MACROD2: variants seen among roughly 807,000 people sequenced by gnomAD.
MACROD2 encodes mono-ADP ribosylhydrolase 2, also known as ADP-ribose glycohydrolase MACROD2.
In MACROD2, 36 loss-of-function variants were observed where a neutral mutation model predicts 70.4. That is an observed-to-expected ratio of 0.51 (90% CI 0.39 to 0.68). The LOEUF is 0.68. Ranked by LOEUF, MACROD2 falls within the 30% of genes least tolerant of loss-of-function variation. The pLI, the probability that MACROD2 is intolerant of heterozygous loss-of-function variation, is 0.00. For missense variants in MACROD2, 496 were observed against 538.4 expected, an observed-to-expected ratio of 0.92 and a Z score of 0.78; for synonymous variants, 172 against 178.8, an observed-to-expected ratio of 0.96 and a Z score of 0.30.
At chr20:14,454,266 G>T (rs958723017) in intron 3 of MACROD2, among the ~76,000 whole-genome samples, 2 of 150,702 alleles carry the variant, frequency 1.3e-5, no homozygotes, top group African/African-American at 4.9e-5. Context: ...GTTTCTCAGT[G>T]GTTTTCTTAT....
chr20:14,978,117 C>G (rs1257374818), intron 5 of MACROD2, among the ~76,000 whole-genome samples: 1 of 152,174 alleles, frequency 6.6e-6, no homozygotes, highest in South Asian at 2.1e-4. Context: ...ACCCGGTGGT[C>G]TTGACTTTTT....
intron 5 of MACROD2, among the ~76,000 whole-genome samples, chr20:14,878,595 C>T (rs1198096936): frequency 6.6e-6 from 1 of 152,120 alleles, no homozygotes; most frequent in African/African-American, 2.4e-5. Flanking sequence ...ATATCATTTG[C>T]TTAAATTAGT....
At chr20:14,371,239 C>T (rs1289788377) in intron 3 of MACROD2, among the ~76,000 whole-genome samples, 1 of 152,068 alleles carries the variant, frequency 6.6e-6, no homozygotes, top group African/African-American at 2.4e-5. Context: ...GATACCAGCT[C>T]TTTGGTAGGC....
Position 14,326,247 on chromosome 20 carries a change from A to G in MACROD2, c.272-167232A>G. The G allele has an allele frequency of 1.2e-6, 2 of 1,613,970 alleles. No homozygotes were observed. Among genetic ancestry groups the G allele is most frequent in the Non-Finnish European group, 1.7e-6 (2 of 1,179,870 alleles). ...GTTTCCAAGAGATATGAATGGTATCAGAGGTGACAGACTTCACAGTAATTG... is the reference window on the plus strand; with the variant it reads ...GTTTCCAAGAGATATGAATGGTATCGGAGGTGACAGACTTCACAGTAATTG... On this transcript the variant is annotated intron_variant, in intron 3 of 17. Transcript: ENST00000684519. This position sits in a 1 kb window ranked among gnomAD's most constrained non-coding sequence, Gnocchi z 5.5.
Position 15,959,553 on chromosome 20 carries a change from G to C in MACROD2, c.908-8000G>C, listed in dbSNP as rs1013632465. On this transcript the variant is annotated intron_variant, in intron 12 of 17. Coordinates refer to ENST00000684519, the MANE Select transcript of MACROD2 (RefSeq NM_001351661.2). ...TGTTTGTTTGTTTGTTTTTGAGACAGACTCGCACTGTGTCAACCCAGGCTG... is the reference window on the plus strand; with the variant it reads ...TGTTTGTTTGTTTGTTTTTGAGACACACTCGCACTGTGTCAACCCAGGCTG... 2.5e-4 allele frequency among the ~76,000 whole-genome samples: 38 copies of C among 152,270 alleles called. 1 individual carries two copies. The highest frequency in any genetic ancestry group is 8.7e-4 in the African/African-American group (36 of 41,558).
At chr20:14,553,465 A>G (rs938013984) in intron 4 of MACROD2, among the ~76,000 whole-genome samples, 6 of 150,814 alleles carry the variant, frequency 4.0e-5, no homozygotes, top group Non-Finnish European at 5.9e-5. Context: ...ACAGCAATCA[A>G]TAGTATGGTA....
intron 6 of MACROD2, among the ~76,000 whole-genome samples, chr20:15,415,199 G>T (rs2046130139): frequency 6.6e-6 from 1 of 152,192 alleles, no homozygotes; most frequent in Admixed American, 6.5e-5. Flanking sequence ...TACAGATTTT[G>T]CAGCTGGATG....
At chr20:14,857,452 A>G (rs922102883) in intron 5 of MACROD2, among the ~76,000 whole-genome samples, 17 of 152,166 alleles carry the variant, frequency 1.1e-4, no homozygotes, top group Admixed American at 1.0e-3. Flanking sequence ...AAAACACCCT[A>G]ACATTTGTGC....
At chr20:14,219,812 C>G (rs1192890675) in intron 3 of MACROD2, among the ~76,000 whole-genome samples, 1 of 152,134 alleles carries the variant, frequency 6.6e-6, no homozygotes, top group Admixed American at 6.5e-5. Flanking sequence ...GTCTGGCCAC[C>G]CAGAGAGTCT....
chr20:15,088,201 A>G (rs78018388), intron 5 of MACROD2, among the ~76,000 whole-genome samples: 11 of 151,752 alleles, frequency 7.2e-5, no homozygotes, highest in African/African-American at 2.4e-4. Context: ...GAGGATCAAA[A>G]TGCAAGAGTG....
intron 10 of MACROD2, chr20:15,893,159 T>C (rs549232803): frequency 2.2e-4 from 90 of 400,974 alleles, no homozygotes; most frequent in African/African-American, 1.8e-3. Flanking sequence ...TTCTAATATG[T>C]TTGAAGATGA....
chr20:14,092,727 ATGT>A (rs2054167659), intron 3 of MACROD2, among the ~76,000 whole-genome samples: 1 of 152,202 alleles, frequency 6.6e-6, no homozygotes, highest in Non-Finnish European at 1.5e-5. Flanking sequence ...GATCAGACAG[ATGT>A]TGTAAATAAT....
At chr20:15,333,459 A>G (rs6105393) in intron 6 of MACROD2, among the ~76,000 whole-genome samples, 34,158 of 151,330 alleles carry the variant, frequency 0.23, 5,125 homozygotes, top group East Asian at 0.46. Context: ...AGAAAGGGGA[A>G]GAGAATTGGA....
At chr20:13,996,499 C>T (rs2052658905) in intron 1 of MACROD2, 1 of 152,834 alleles carries the variant, frequency 6.5e-6, no homozygotes, top group African/African-American at 2.4e-5. Flanking sequence ...CATCCCCATT[C>T]ATGGGCTGAA....
chr20:14,519,128 G>C (rs148795136), intron 4 of MACROD2, among the ~76,000 whole-genome samples: 1 of 152,110 alleles, frequency 6.6e-6, no homozygotes, highest in Admixed American at 6.6e-5. Flanking sequence ...GAAAATTATA[G>C]CAATGTGAAG....
At chr20:15,349,073 T>C (rs1172298873) in intron 6 of MACROD2, among the ~76,000 whole-genome samples, 1 of 152,208 alleles carries the variant, frequency 6.6e-6, no homozygotes, top group Non-Finnish European at 1.5e-5. Flanking sequence ...CATTAGGCTC[T>C]GGAGAATTTT....
intron 5 of MACROD2, among the ~76,000 whole-genome samples, chr20:15,049,845 G>A (rs1215496258): frequency 6.6e-6 from 1 of 152,014 alleles, no homozygotes; most frequent in Non-Finnish European, 1.5e-5. Flanking sequence ...CTGCTCGGGA[G>A]GCAGAGGCAG....
chr20:14,422,816 T>C (rs926120526), intron 3 of MACROD2, among the ~76,000 whole-genome samples: 2 of 152,230 alleles, frequency 1.3e-5, no homozygotes, highest in African/African-American at 4.8e-5. Context: ...ATTGCAATAT[T>C]ACCTGCTTTG....
intron 4 of MACROD2, among the ~76,000 whole-genome samples, chr20:14,621,345 G>A (rs932720495): frequency 1.3e-5 from 2 of 152,072 alleles, no homozygotes; most frequent in Non-Finnish European, 2.9e-5. Context: ...TGCTGCTCAA[G>A]TGCCTTTTTT....
Sources: allele counts gnomAD v4.1 joint callset (sites outside exome capture counted in the v4.1 genomes callset), GRCh38; gene constraint gnomAD v4.1.1; non-coding constraint Gnocchi (gnomAD v3.1); transcripts MANE v1.5; gene names NCBI Gene and HGNC (gene_info 2026-07-23, HGNC 2026-07-21).